SCMH1: variants seen among roughly 807,000 people sequenced by gnomAD.
SCMH1 encodes the protein polycomb protein SCMH1.
A neutral mutation model predicts 70.8 loss-of-function variants in SCMH1; 37 were observed. The ratio of observed to expected loss-of-function variants is 0.52; its 90% CI spans 0.40 to 0.69. The LOEUF is 0.69. Ranked by LOEUF, SCMH1 falls within the 30% of genes least tolerant of loss-of-function variation. The probability of loss-of-function intolerance (pLI) is 0.00; values close to 1 mark genes in which losing one functional copy is unlikely to be tolerated. For missense variants in SCMH1, 607 were observed against 827.3 expected, an observed-to-expected ratio of 0.73 and a Z score of 3.27; for synonymous variants, 292 against 307.4, an observed-to-expected ratio of 0.95 and a Z score of 0.52.
intron 10 of SCMH1, among the ~76,000 whole-genome samples, chr1:41,054,536 TAAGA>T (rs1006756863): frequency 6.6e-6 from 1 of 152,192 alleles, no homozygotes. Flanking sequence ...CTTTAAGATG[TAAGA>T]AAGATGTAAC....
intron 5 of SCMH1, among the ~76,000 whole-genome samples, chr1:41,144,470 T>C (rs1435303236): frequency 2.0e-5 from 3 of 152,224 alleles, no homozygotes; most frequent in African/African-American, 7.2e-5. Context: ...AATATTCCAT[T>C]GTATGGATAT....
intron 1 of SCMH1, among the ~76,000 whole-genome samples, chr1:41,208,503 A>G (rs1401970401): frequency 1.3e-5 from 2 of 152,176 alleles, no homozygotes; most frequent in African/African-American, 4.8e-5. Context: ...GCAAATGTAA[A>G]AGAACAGAAA....
chr1:41,079,528 T>C (rs920673070), intron 8 of SCMH1, among the ~76,000 whole-genome samples: 8 of 152,166 alleles, frequency 5.3e-5, no homozygotes, highest in African/African-American at 1.9e-4. Context: ...ACCTAACTGA[T>C]ACATATACCT....
Position 41,086,299 on chromosome 1 carries a change from C to T in SCMH1, c.746-10848G>A, listed in dbSNP as rs139608293. Among the ~76,000 whole-genome samples the T allele has an allele frequency of 3.9e-4, 59 of 152,112 alleles. No individual in the cohort carries two copies. The East Asian group carries it at 0.01, about 26-fold the overall frequency. ...TACGTAACTGACATACAAAACTCAA[C>T]AGCCTTCATATATAGCAAATCAGTT... On this transcript the variant is annotated intron_variant, in intron 8 of 14. Coordinates refer to ENST00000337495, the Ensembl canonical transcript of SCMH1.
At chr1:41,070,657 T>C in exon 10 of SCMH1, 1 of 1,614,064 alleles carries the variant, frequency 6.2e-7, no homozygotes, top group South Asian at 1.1e-5. Flanking sequence ...AGTGCTGGTA[T>C]CCGGTTCAGG....
At chr1:41,165,671 C>T (rs1215700490) in intron 2 of SCMH1, among the ~76,000 whole-genome samples, 1 of 151,920 alleles carries the variant, frequency 6.6e-6, no homozygotes, top group Non-Finnish European at 1.5e-5. Flanking sequence ...TATCTGTGGC[C>T]CATTTATATG....
chr1:41,230,824 C>T (rs574803811), intron 1 of SCMH1, among the ~76,000 whole-genome samples: 1 of 152,018 alleles, frequency 6.6e-6, no homozygotes, highest in African/African-American at 2.4e-5. Flanking sequence ...CTTAGAGATC[C>T]CAATTCAATA....
intron 8 of SCMH1, among the ~76,000 whole-genome samples, chr1:41,101,063 G>T (rs1235471446): frequency 6.7e-6 from 1 of 150,284 alleles, no homozygotes; most frequent in East Asian, 1.9e-4. Context: ...AGATGATGAG[G>T]GGCTTAGAAA....
At chr1:41,183,563 C>T (rs1191686796) in intron 2 of SCMH1, among the ~76,000 whole-genome samples, 1 of 148,048 alleles carries the variant, frequency 6.8e-6, no homozygotes, top group Non-Finnish European at 1.5e-5. Flanking sequence ...AGTAGTGCCA[C>T]CTCCTACATT....
chr1:41,028,541 C>T, intron 14 of SCMH1, 43 bp downstream of exon 15: 1 of 1,611,782 alleles, frequency 6.2e-7, no homozygotes, highest in Non-Finnish European at 8.5e-7. Flanking sequence ...AGGTGAGGCT[C>T]TCCACACAGG....
rs542555243 is a variant in SCMH1, at chr1:41,067,712, T to C, written c.1105+2883A>G. ...AGGGCAGTGAAACTATTTTGTATTA[T>C]ACATGATGGTGGATATATGTCATTA... On this transcript the variant is annotated intron_variant, in intron 10 of 14. Transcript: ENST00000337495. Among the ~76,000 whole-genome samples, 9 of 152,244 alleles carry C rather than the reference T, an allele frequency of 5.9e-5. No homozygotes were observed. In the East Asian group the frequency reaches 1.5e-3, roughly 26 times the overall value.
At chr1:41,034,836 T>A (rs1466613543) in intron 13 of SCMH1, among the ~76,000 whole-genome samples, 1 of 152,156 alleles carries the variant, frequency 6.6e-6, no homozygotes, top group East Asian at 1.9e-4. Flanking sequence ...CTCTTCCTTC[T>A]CACTGTTACT....
At chr1:41,085,044 T>G (rs1189910436) in intron 8 of SCMH1, among the ~76,000 whole-genome samples, 1 of 151,116 alleles carries the variant, frequency 6.6e-6, no homozygotes, top group Non-Finnish European at 1.5e-5. Flanking sequence ...AGTTAGTGGG[T>G]GCAGCACACC....
intron 5 of SCMH1, among the ~76,000 whole-genome samples, chr1:41,143,630 A>G (rs191170426): frequency 1.4e-4 from 21 of 152,324 alleles, no homozygotes; most frequent in African/African-American, 4.3e-4. Flanking sequence ...TGACATATGT[A>G]TATACTCATA....
intron 11 of SCMH1, among the ~76,000 whole-genome samples, chr1:41,048,470 G>C (rs1002663354): frequency 6.6e-6 from 1 of 152,158 alleles, no homozygotes; most frequent in African/African-American, 2.4e-5. Context: ...AATCAGTTTA[G>C]AGGCTCACTG....
At chr1:41,042,450 T>C (rs1646314490) in intron 12 of SCMH1, among the ~76,000 whole-genome samples, 2 of 152,070 alleles carry the variant, frequency 1.3e-5, no homozygotes, top group South Asian at 4.1e-4. Flanking sequence ...GGTTTCACCA[T>C]GTTAGCCAGG....
intron 1 of SCMH1, among the ~76,000 whole-genome samples, chr1:41,186,863 C>T (rs1650353591): frequency 6.6e-6 from 1 of 152,180 alleles, no homozygotes; most frequent in South Asian, 2.1e-4. Flanking sequence ...CATCCTGACA[C>T]TGAACTTCCA....
chr1:41,109,860 G>T (rs1378757163), intron 8 of SCMH1, among the ~76,000 whole-genome samples: 1 of 152,188 alleles, frequency 6.6e-6, no homozygotes, highest in African/African-American at 2.4e-5. Context: ...CGTCAGCTCT[G>T]TTGGCTCTGG....
chr1:41,216,858 G>C (rs12029321), intron 1 of SCMH1, among the ~76,000 whole-genome samples: 16,446 of 152,074 alleles, frequency 0.11, 1,265 homozygotes, highest in East Asian at 0.27. Flanking sequence ...TAAAACAACA[G>C]AAATTTATTC....
Sources: gnomAD v4.1 joint callset for allele counts (sites outside exome capture counted in the v4.1 genomes callset) on GRCh38, gnomAD v4.1.1 for gene constraint, MANE v1.5 for transcripts, NCBI Gene and HGNC (gene_info 2026-07-23, HGNC 2026-07-21) for gene names.